The following FNIP1 variants were observed in gnomAD, a reference collection of about 807,000 sequenced individuals.
The protein encoded by FNIP1 is folliculin-interacting protein 1.
Under a neutral mutation model 124.5 loss-of-function variants are expected in FNIP1, and 40 were observed. That is an observed-to-expected ratio of 0.32 (90% CI 0.25 to 0.42). The LOEUF is 0.42. FNIP1 is among the 10% of genes least tolerant of loss of function. The pLI, the probability that FNIP1 is intolerant of heterozygous loss-of-function variation, is 1.00. For missense variants in FNIP1, 1,176 were observed against 1,403.7 expected (o/e 0.84, Z 2.59); for synonymous variants, 472 against 470.6 (o/e 1.00, Z -0.04).
At position 131,730,931 on chromosome 5, in the gene FNIP1, A is replaced by G; in HGVS notation, c.327T>C (p.Asp109=). ...SLDSSVTSSS[D]IKDQCLKYQG... The stretch of plus-strand genomic sequence containing the variant: ...GGTACTTAAGACACTGGTCTTTTAT[A>G]TCAGAAGATGAAGTCACAGAACTAT... The change falls in exon 3 of 18, where the codon GAT becomes GAC. Residue 109 remains aspartate (D), a synonymous_variant. Coordinates refer to ENST00000510461, the MANE Select transcript of FNIP1 (RefSeq NM_133372.3). 6.2e-7 allele frequency: 1 copy of G among 1,607,732 alleles called. No homozygotes were observed. The highest frequency in any genetic ancestry group is 8.5e-7 in the Non-Finnish European group (1 of 1,177,482).
chr5:131,713,250 G>A (rs1049275170), intron 6 of FNIP1, among the ~76,000 whole-genome samples: 7 of 152,082 alleles, frequency 4.6e-5, no homozygotes, highest in African/African-American at 1.7e-4. Flanking sequence ...GTTTCACCAT[G>A]TTAGCCAGGA....
intron 15 of FNIP1, among the ~76,000 whole-genome samples, chr5:131,663,335 C>T (rs1395958932): frequency 6.6e-6 from 1 of 152,188 alleles, no homozygotes; most frequent in Non-Finnish European, 1.5e-5. Context: ...TCAAAAGCTT[C>T]TCAGTCAATG....
chr5:131,733,577 T>A (rs1413841801), intron 2 of FNIP1, among the ~76,000 whole-genome samples: 1 of 152,232 alleles, frequency 6.6e-6, no homozygotes, highest in Non-Finnish European at 1.5e-5. Context: ...TCTGCATCTA[T>A]TGAGATAATC....
intron 2 of FNIP1, among the ~76,000 whole-genome samples, chr5:131,732,029 G>A (rs1161295545): frequency 6.6e-6 from 1 of 152,174 alleles, no homozygotes; most frequent in South Asian, 2.1e-4. Flanking sequence ...GTCTAGTGTA[G>A]AAGAAAAATG....
chr5:131,719,216 T>C (rs762716557), intron 4 of FNIP1, 101 bp downstream of exon 4: 13 of 1,203,448 alleles, frequency 1.1e-5, no homozygotes, highest in Non-Finnish European at 1.2e-6. Context: ...AAATGGAGTA[T>C]GACAAGCTCA....
At chr5:131,728,463 T>G (rs575494778) in intron 3 of FNIP1, among the ~76,000 whole-genome samples, 2 of 152,110 alleles carry the variant, frequency 1.3e-5, no homozygotes, top group Non-Finnish European at 2.9e-5. Flanking sequence ...TTCCGCTTGA[T>G]TGATTCAGCT....
intron 1 of FNIP1, among the ~76,000 whole-genome samples, chr5:131,767,510 T>TG (rs1771478771): frequency 1.3e-5 from 2 of 151,078 alleles, no homozygotes; most frequent in African/African-American, 4.9e-5. Context: ...CATCATTTTG[T>TG]ACCAGTTTCT....
At position 131,710,613 on chromosome 5, in the gene FNIP1, G is replaced by A. The variant is rs768408296; in HGVS notation, c.671C>T (p.Pro224Leu). The part of the protein sequence containing the change: ...SPRRAFSEQG[P>L]LRLIRSASFF... ...AGAGGCGCTCCTGATCAGGCGGAGC[G>A]GACCCTGCTCAGAGAATGCCCGCCT... The change falls in exon 7 of 18, where the codon CCG becomes CTG. Residue 224 changes from proline (P) to leucine (L), a missense_variant. This residue lies in a region of FNIP1 where 1,109 missense variants were observed against 1,288.5 expected (regional missense o/e 0.86). Transcript: ENST00000510461. 35 of 1,613,886 alleles carry A rather than the reference G, an allele frequency of 2.2e-5. No individual in the cohort carries two copies. The highest frequency in any genetic ancestry group is 2.7e-5 in the African/African-American group (2 of 74,884).
chr5:131,733,356 C>A (rs1250431855), intron 2 of FNIP1, among the ~76,000 whole-genome samples: 2 of 152,140 alleles, frequency 1.3e-5, no homozygotes, highest in Non-Finnish European at 2.9e-5. Context: ...CCACAACTTC[C>A]AACACTATGT....
rs192197981 is a variant in FNIP1, at chr5:131,657,473, T to C, written c.3109-5474A>G. ...ACACATCTCTAACTCAGCCTCTAGATCAGGGTGCCATAAGGACCATTAAAC... is the reference window on the plus strand; with the variant it reads ...ACACATCTCTAACTCAGCCTCTAGACCAGGGTGCCATAAGGACCATTAAAC... On this transcript the variant is annotated intron_variant, in intron 15 of 17. Transcript: ENST00000510461. 2.0e-5 allele frequency among the ~76,000 whole-genome samples: 3 copies of C among 152,136 alleles called. No homozygotes were observed. In the East Asian group the frequency reaches 5.8e-4, roughly 29 times the overall value.
chr5:131,672,271 T>C lies in FNIP1; in HGVS notation c.2173A>G (p.Thr725Ala). 6.2e-7 allele frequency: 1 copy of C among 1,614,174 alleles called. No homozygotes were observed. Among genetic ancestry groups the C allele is most frequent in the Non-Finnish European group, 8.5e-7 (1 of 1,180,020 alleles). Reference sequence around the variant, plus strand: ...GGTTTTTTTTCCACAACCATTCCTGTGGATCTCATTGCTTTGCCTGTGTGA... The same window carrying C: ...GGTTTTTTTTCCACAACCATTCCTGCGGATCTCATTGCTTTGCCTGTGTGA... The part of the protein sequence containing the change: ...DSHTGKAMRS[T>A]GMVVEKKPPD... Residue 725 changes from threonine (T) to alanine (A), a missense_variant, in exon 14 of 18, where the codon ACA becomes GCA. Thr to Ala is a moderately conservative substitution (Grantham distance 58). Coordinates refer to ENST00000510461, the MANE Select transcript of FNIP1 (RefSeq NM_133372.3).
chr5:131,651,838 T>C lies in FNIP1; in HGVS notation c.3270A>G (p.Thr1090=). 1.2e-6 allele frequency: 2 copies of C among 1,614,098 alleles called. No homozygotes were observed. Among genetic ancestry groups the C allele is most frequent in the Non-Finnish European group, 1.7e-6 (2 of 1,180,014 alleles). The change falls in exon 16 of 18, where the codon ACA becomes ACG. Residue 1090 remains threonine (T), a synonymous_variant. Transcript: ENST00000510461. ...ACAAGTTATGCTTATAAAGCTGAAGTGTGGAATGAAGCAGATTGGAAACAA... is the reference window on the plus strand; with the variant it reads ...ACAAGTTATGCTTATAAAGCTGAAGCGTGGAATGAAGCAGATTGGAAACAA... ...SSLVSNLLHS[T]LQLYKHNLSP... is the part of the protein sequence containing the mutation.
chr5:131,770,559 A>C (rs1259988701), intron 1 of FNIP1, among the ~76,000 whole-genome samples: 1 of 152,206 alleles, frequency 6.6e-6, no homozygotes, highest in Admixed American at 6.5e-5. Context: ...TGAAACCAAG[A>C]ATCATTCCTC....
chr5:131,677,539 C>T (rs538614031), intron 13 of FNIP1, 164 bp downstream of exon 13: 98 of 603,580 alleles, frequency 1.6e-4, no homozygotes, highest in Middle Eastern at 4.6e-4. Context: ...AGGTCTAAGA[C>T]GAGGATAAGA....
intron 11 of FNIP1, among the ~76,000 whole-genome samples, chr5:131,698,155 T>C (rs1405319077): frequency 2.6e-5 from 4 of 152,128 alleles, no homozygotes; most frequent in Non-Finnish European, 4.4e-5. Flanking sequence ...GCTAATGCAC[T>C]TGCCCAAGAT....
intron 1 of FNIP1, among the ~76,000 whole-genome samples, chr5:131,776,975 T>C (rs1402466940): frequency 1.3e-5 from 2 of 152,156 alleles, no homozygotes; most frequent in African/African-American, 4.8e-5. Context: ...CTCATGTCTA[T>C]AATCCCAGCA....
At chr5:131,737,491 T>G (rs1259879179) in intron 2 of FNIP1, among the ~76,000 whole-genome samples, 1 of 152,198 alleles carries the variant, frequency 6.6e-6, no homozygotes, top group Non-Finnish European at 1.5e-5. Flanking sequence ...CTCTCTCAAG[T>G]GCTTCCTCTT....
chr5:131,726,661 C>T (rs1769884849), intron 3 of FNIP1, among the ~76,000 whole-genome samples: 2 of 152,140 alleles, frequency 1.3e-5, no homozygotes, highest in Admixed American at 1.3e-4. Flanking sequence ...TCTCTATCTC[C>T]TTCAGTTCTG....
chr5:131,789,191 C>T (rs980887882), intron 1 of FNIP1, among the ~76,000 whole-genome samples: 2 of 152,066 alleles, frequency 1.3e-5, no homozygotes, highest in African/African-American at 2.4e-5. Flanking sequence ...TGTCCTCACT[C>T]ACATTTAGAA....
Sources: gnomAD v4.1 joint callset for allele counts (sites outside exome capture counted in the v4.1 genomes callset) on GRCh38, gnomAD v4.1.1 for gene constraint, gnomAD v4.1.1 regional missense constraint, MANE v1.5 for transcripts, NCBI Gene and HGNC (gene_info 2026-07-23, HGNC 2026-07-21) for gene names.